The following TOX variants were observed in gnomAD, a reference collection of about 807,000 sequenced individuals.
TOX encodes thymocyte selection associated high mobility group box.
Under a neutral mutation model 53.7 loss-of-function variants are expected in TOX, and 11 were observed. That is an observed-to-expected ratio of 0.20 (90% CI 0.13 to 0.34). The LOEUF (loss-of-function observed/expected upper bound fraction) is 0.34. Ranked by LOEUF, TOX falls within the 10% of genes least tolerant of loss-of-function variation. TOX has a pLI of 1.00. For synonymous variants in TOX, 225 were observed against 245.3 expected, an observed-to-expected ratio of 0.92 and a Z score of 0.77; for missense variants, 570 against 664.6, an observed-to-expected ratio of 0.86 and a Z score of 1.56.
chr8:59,005,066 T>C (rs1220605304), intron 1 of TOX, among the ~76,000 whole-genome samples: 1 of 151,338 alleles, frequency 6.6e-6, no homozygotes, highest in Non-Finnish European at 1.5e-5. Flanking sequence ...TGAGACAGAC[T>C]CTCGCTCTGT....
At chr8:59,037,344 C>T (rs1008148590) in intron 1 of TOX, among the ~76,000 whole-genome samples, 1 of 152,110 alleles carries the variant, frequency 6.6e-6, no homozygotes, top group Admixed American at 6.5e-5. Flanking sequence ...CCCTGCTTCT[C>T]TCTTTCTTAA....
intron 1 of TOX, among the ~76,000 whole-genome samples, chr8:58,993,182 C>T (rs1813488882): frequency 6.6e-6 from 1 of 152,098 alleles, no homozygotes; most frequent in South Asian, 2.1e-4. Context: ...GGTTTCCTAG[C>T]AATGAGGACT....
chr8:58,868,197 C>T (rs557901601), intron 3 of TOX, among the ~76,000 whole-genome samples: 90 of 152,292 alleles, frequency 5.9e-4, no homozygotes, highest in African/African-American at 2.1e-3. Context: ...GCTCCTCCTT[C>T]ACTTTCCACC....
chr8:58,946,441 T>C (rs1200758020), intron 2 of TOX, among the ~76,000 whole-genome samples: 1 of 152,156 alleles, frequency 6.6e-6, no homozygotes, highest in South Asian at 2.1e-4. Context: ...TGAACAAGGG[T>C]TGATAGCTTG....
intron 1 of TOX, among the ~76,000 whole-genome samples, chr8:59,080,090 T>A (rs1460592354): frequency 1.3e-5 from 2 of 151,814 alleles, no homozygotes; most frequent in Non-Finnish European, 2.9e-5. Flanking sequence ...TCAAGTGATT[T>A]TCCTGCCTCA....
chr8:58,873,703 G>A (rs1811233753), intron 3 of TOX, among the ~76,000 whole-genome samples: 1 of 152,038 alleles, frequency 6.6e-6, no homozygotes, highest in Non-Finnish European at 1.5e-5. Flanking sequence ...TATTGTGCTG[G>A]CATCTGATGG....
At chr8:58,897,181 T>C (rs1811663221) in intron 3 of TOX, among the ~76,000 whole-genome samples, 1 of 152,172 alleles carries the variant, frequency 6.6e-6, no homozygotes, top group South Asian at 2.1e-4. Flanking sequence ...TTCACCTATA[T>C]AAAAATGCCC....
intron 6 of TOX, among the ~76,000 whole-genome samples, chr8:58,817,743 G>T (rs1810205280): frequency 6.6e-6 from 1 of 151,994 alleles, no homozygotes; most frequent in Admixed American, 6.5e-5. Context: ...TTATAAAAAT[G>T]GATACATATT....
intron 3 of TOX, among the ~76,000 whole-genome samples, chr8:58,863,566 T>C (rs1811045522): frequency 6.6e-6 from 1 of 152,168 alleles, no homozygotes; most frequent in African/African-American, 2.4e-5. Context: ...TCAAAGCCTA[T>C]ATCATAACCA....
chr8:59,088,661 CT>C (rs1804555124), intron 1 of TOX, among the ~76,000 whole-genome samples: 1 of 152,152 alleles, frequency 6.6e-6, no homozygotes, highest in African/African-American at 2.4e-5. Flanking sequence ...ATTTTAATGA[CT>C]AAAAAAATTG....
intron 1 of TOX, among the ~76,000 whole-genome samples, chr8:59,042,178 C>T (rs931284445): frequency 2.6e-5 from 4 of 152,254 alleles, no homozygotes; most frequent in South Asian, 4.2e-4. Flanking sequence ...TCCAAGATTA[C>T]GGGAATCTGA....
intron 3 of TOX, among the ~76,000 whole-genome samples, chr8:58,874,277 T>C (rs1161760223): frequency 1.3e-5 from 2 of 152,024 alleles, no homozygotes; most frequent in Non-Finnish European, 1.5e-5. Context: ...GAAAGTTTTT[T>C]AGTTTAGTAA....
At chr8:59,101,518 A>G (rs1159124922) in intron 1 of TOX, among the ~76,000 whole-genome samples, 2 of 152,246 alleles carry the variant, frequency 1.3e-5, no homozygotes, top group African/African-American at 2.4e-5. Flanking sequence ...GAATAAATGT[A>G]CATAAACTGC....
intron 2 of TOX, among the ~76,000 whole-genome samples, chr8:58,947,024 G>C (rs1437740752): frequency 6.6e-6 from 1 of 152,046 alleles, no homozygotes; most frequent in Non-Finnish European, 1.5e-5. Flanking sequence ...AATTCAGTGT[G>C]TTGTCAGTCA....
At chr8:58,858,101 A>G (rs1381211019) in intron 3 of TOX, among the ~76,000 whole-genome samples, 4 of 152,202 alleles carry the variant, frequency 2.6e-5, no homozygotes, top group Admixed American at 6.5e-5. Context: ...CAAAAGAAAA[A>G]TAAAAACCCT....
chr8:58,935,227 A>C (rs1343971028), intron 3 of TOX, among the ~76,000 whole-genome samples: 3 of 152,116 alleles, frequency 2.0e-5, no homozygotes, highest in African/African-American at 4.8e-5. Flanking sequence ...ATTCATATAT[A>C]AAACATCACA....
chr8:58,867,840 A>G (rs577628998), intron 3 of TOX, among the ~76,000 whole-genome samples: 1 of 152,328 alleles, frequency 6.6e-6, no homozygotes, highest in East Asian at 1.9e-4. Context: ...CTCTGTTGTC[A>G]GTGCCCAATT....
intron 1 of TOX, among the ~76,000 whole-genome samples, chr8:59,090,423 G>A (rs539037788): frequency 3.3e-5 from 5 of 152,262 alleles, no homozygotes; most frequent in South Asian, 2.1e-4. Flanking sequence ...AGGCGGACAC[G>A]GTGTGTGTCA....
chr8:59,068,639 T>A (rs1804138959), intron 1 of TOX, among the ~76,000 whole-genome samples: 2 of 152,344 alleles, frequency 1.3e-5, no homozygotes, highest in African/African-American at 4.8e-5. Context: ...ACAACAACCT[T>A]GTATGCTTGG....
Sources: allele counts gnomAD v4.1 joint callset (sites outside exome capture counted in the v4.1 genomes callset), GRCh38; gene constraint gnomAD v4.1.1; transcripts MANE v1.5; gene names NCBI Gene and HGNC (gene_info 2026-07-23, HGNC 2026-07-21).